FBN1: variants seen among roughly 807,000 people sequenced by gnomAD.
FBN1 encodes fibrillin 1.
FBN1 carries 29 observed loss-of-function variants against 365.1 expected under a neutral mutation model. That is an observed-to-expected ratio of 0.08 (90% CI 0.06 to 0.11). FBN1 has a LOEUF of 0.11. FBN1 is among the 10% of genes least tolerant of loss of function. The pLI, the probability that FBN1 is intolerant of heterozygous loss-of-function variation, is 1.00. For synonymous variants in FBN1, 1,210 were observed against 1,270.5 expected (o/e 0.95, Z 1.01); for missense variants, 2,476 against 3,703.2 (o/e 0.67, Z 8.60).
At chr15:48,496,546 T>G (rs2043610143) in intron 19 of FBN1, among the ~76,000 whole-genome samples, 2 of 152,122 alleles carry the variant, frequency 1.3e-5, no homozygotes, top group Non-Finnish European at 2.9e-5. Context: ...ATTATATAAT[T>G]AAATTTATAT....
chr15:48,417,444 C>CTCTTT (rs2042911057), intron 63 of FBN1, among the ~76,000 whole-genome samples: 2 of 66,136 alleles, frequency 3.0e-5, no homozygotes, highest in African/African-American at 1.5e-4. Flanking sequence ...CCTCCCCTCC[C>CTCTTT]TCCTTTCCTT....
intron 36 of FBN1, 128 bp downstream of exon 36, chr15:48,470,506 G>A: frequency 7.8e-7 from 1 of 1,282,394 alleles, no homozygotes; most frequent in Non-Finnish European, 1.1e-6. Flanking sequence ...AGGTATCTGT[G>A]ATTCTTAATA....
At chr15:48,624,405 C>T (rs1036072710) in intron 2 of FBN1, among the ~76,000 whole-genome samples, 7 of 152,220 alleles carry the variant, frequency 4.6e-5, no homozygotes, top group African/African-American at 9.7e-5. Flanking sequence ...GATCACTTCT[C>T]CAAGGGAGGG....
intron 2 of FBN1, among the ~76,000 whole-genome samples, chr15:48,631,082 T>C (rs1889980892): frequency 6.6e-6 from 1 of 152,156 alleles, no homozygotes; most frequent in African/African-American, 2.4e-5. Context: ...ATTAAGATAA[T>C]GTATGTTTTG....
intron 45 of FBN1, among the ~76,000 whole-genome samples, chr15:48,449,117 C>A (rs1054810600): frequency 6.6e-6 from 1 of 151,980 alleles, no homozygotes; most frequent in Admixed American, 6.6e-5. Context: ...GGTAAGTAAT[C>A]AAAAAATATT....
chr15:48,516,760 G>A (rs566249524), intron 10 of FBN1, among the ~76,000 whole-genome samples: 67 of 152,264 alleles, frequency 4.4e-4, no homozygotes, highest in African/African-American at 1.5e-3. Flanking sequence ...TGTCTTCAAC[G>A]GGGGTGGGAC....
At chr15:48,452,429 A>G (rs767818672) in intron 45 of FBN1, 133 bp downstream of exon 45, 3 of 1,071,882 alleles carry the variant, frequency 2.8e-6, no homozygotes, top group Non-Finnish European at 4.3e-6. Context: ...TTAGTTTAAT[A>G]TTAGAGTTCA....
chr15:48,583,042 A>T (rs2044407599), intron 6 of FBN1, among the ~76,000 whole-genome samples: 1 of 152,208 alleles, frequency 6.6e-6, no homozygotes, highest in Non-Finnish European at 1.5e-5. Context: ...GCACCACTGC[A>T]CACCTCTCAA....
At chr15:48,454,413 G>A (rs1002145747) in intron 44 of FBN1, among the ~76,000 whole-genome samples, 1 of 152,138 alleles carries the variant, frequency 6.6e-6, no homozygotes, top group African/African-American at 2.4e-5. Context: ...CCAGAGTTTT[G>A]ACTTTGCTTA....
chr15:48,538,983 C>T (rs896208713), intron 6 of FBN1, among the ~76,000 whole-genome samples: 1 of 152,170 alleles, frequency 6.6e-6, no homozygotes, highest in Non-Finnish European at 1.5e-5. Context: ...CATAGGACAT[C>T]GCAGACATGC....
At chr15:48,411,430 G>A in intron 65 of FBN1, 51 bp from the exon 66 acceptor site, 1 of 1,549,868 alleles carries the variant, frequency 6.5e-7, no homozygotes, top group East Asian at 2.2e-5. Flanking sequence ...ATGCCACTTA[G>A]CTCTCATATT....
chr15:48,593,330 C>G (rs1318973711), intron 6 of FBN1, among the ~76,000 whole-genome samples: 1 of 152,182 alleles, frequency 6.6e-6, no homozygotes, highest in East Asian at 1.9e-4. Context: ...GTACTTGTAA[C>G]TGACATTCTA....
At chr15:48,558,829 G>A (rs904400479) in intron 6 of FBN1, among the ~76,000 whole-genome samples, 1 of 152,186 alleles carries the variant, frequency 6.6e-6, no homozygotes, top group Admixed American at 6.5e-5. Context: ...TATAGGTGCT[G>A]TATAGCTCTG....
chr15:48,555,699 A>G (rs533067254), intron 6 of FBN1, among the ~76,000 whole-genome samples: 1 of 152,246 alleles, frequency 6.6e-6, no homozygotes, highest in East Asian at 1.9e-4. Flanking sequence ...CCTGGAATAG[A>G]AGACACTCAA....
In FBN1 at chr15:48,410,901, TATG is replaced by T. The variant is rs1031307366; in HGVS notation, c.*86_*88del. The T allele has an allele frequency of 4.8e-5, 59 of 1,233,028 alleles. 1 individual carries two copies. Among genetic ancestry groups the T allele is most frequent in the Non-Finnish European group, 2.5e-5 (22 of 863,832 alleles). 76.4% of individuals were successfully genotyped at this position (1,233,028 alleles called of 1,614,324 possible). ...AATTTACTTGGTGAAAGATTGTACC[TATG>T]ATATGATGATTCTGATTGGGGGAAA... On this transcript the variant is annotated 3_prime_UTR_variant, in exon 66 of 66. Coordinates refer to ENST00000316623, the MANE Select transcript of FBN1 (RefSeq NM_000138.5).
At chr15:48,501,559 A>G (rs901907352) in intron 17 of FBN1, among the ~76,000 whole-genome samples, 10 of 152,236 alleles carry the variant, frequency 6.6e-5, no homozygotes, top group African/African-American at 2.4e-4. Flanking sequence ...TGCTTAAAGA[A>G]ATCTGGTCTT....
rs1270817532 is a variant in FBN1, at chr15:48,445,441, A to G, written c.5852T>C (p.Val1951Ala). Residue 1951 changes from valine (V) to alanine (A), a missense_variant, in exon 48 of 66, where the codon GTG becomes GCG. Val to Ala is a moderately conservative substitution (Grantham distance 64). This residue lies in a region of FBN1 where 1,780 missense variants were observed against 2,840.8 expected (regional missense o/e 0.63). Transcript: ENST00000316623. Reference sequence around the variant, plus strand: ...ATTGCACTGGCACTGGAAAGACCCCACTGTATTAATGCATTGGCCATTTCT... The same window carrying G: ...ATTGCACTGGCACTGGAAAGACCCCGCTGTATTAATGCATTGGCCATTTCT... Reference protein sequence around the residue: ...LCRNGQCINTVGSFQCQCNEG... With the variant: ...LCRNGQCINTAGSFQCQCNEG... The G allele has an allele frequency of 6.2e-7, 1 of 1,612,676 alleles. No individual in the cohort carries two copies. Among genetic ancestry groups the G allele is most frequent in the Non-Finnish European group, 8.5e-7 (1 of 1,179,190 alleles).
intron 32 of FBN1, among the ~76,000 whole-genome samples, chr15:48,480,275 G>A (rs1227793747): frequency 6.6e-6 from 1 of 152,078 alleles, no homozygotes; most frequent in Non-Finnish European, 1.5e-5. Context: ...TCCTCTATTA[G>A]TTAAAACATA....
At chr15:48,448,083 G>A (rs1476374455) in intron 46 of FBN1, among the ~76,000 whole-genome samples, 1 of 152,098 alleles carries the variant, frequency 6.6e-6, no homozygotes, top group African/African-American at 2.4e-5. Context: ...TATGAGAAAT[G>A]TTCCCAAATG....
Sources: allele counts gnomAD v4.1 joint callset (sites outside exome capture counted in the v4.1 genomes callset), GRCh38; gene constraint gnomAD v4.1.1; regional missense constraint gnomAD v4.1.1; transcripts MANE v1.5; gene names NCBI Gene and HGNC (gene_info 2026-07-23, HGNC 2026-07-21).